The following SMARCAD1 variants were observed in gnomAD, a reference collection of about 807,000 sequenced individuals.
The protein encoded by SMARCAD1 is SNF2 related chromatin remodeling ATPase with DExD box 1, also known as SWI/SNF-related matrix-associated actin-dependent regulator of chromatin subfamily A containing DEAD/H box 1.
Under a neutral mutation model 127.1 loss-of-function variants are expected in SMARCAD1, and 25 were observed. The observed-to-expected ratio is 0.20, with a 90% CI of 0.14 to 0.27. SMARCAD1 has a LOEUF of 0.27. Ranked by LOEUF, SMARCAD1 falls within the 10% of genes least tolerant of loss-of-function variation. The pLI, the probability that SMARCAD1 is intolerant of heterozygous loss-of-function variation, is 1.00. For synonymous variants in SMARCAD1, 400 were observed against 396.9 expected, an observed-to-expected ratio of 1.01 and a Z score of -0.09; for missense variants, 807 against 1,206.0, an observed-to-expected ratio of 0.67 and a Z score of 4.90.
At chr4:94,214,507 C>A (rs1402247397) in intron 2 of SMARCAD1, among the ~76,000 whole-genome samples, 1 of 151,812 alleles carries the variant, frequency 6.6e-6, no homozygotes, top group East Asian at 1.9e-4. Context: ...GACTTGAGAT[C>A]TGCCCGCCTC....
At position 94,283,286 on chromosome 4, in the gene SMARCAD1, T is replaced by C. The variant is rs142195925; in HGVS notation, c.2892T>C (p.His964=). ...ACAAACAAGCAGAAGATAGATGCCATAGAGTAGGCCAGACTAAGTAAGTGT... is the reference window on the plus strand; with the variant it reads ...ACAAACAAGCAGAAGATAGATGCCACAGAGTAGGCCAGACTAAGTAAGTGT... ...YNDKQAEDRC[H]RVGQTKEVLV... is the part of the protein sequence containing the mutation. Residue 964 remains histidine, a synonymous_variant, in exon 22 of 24, where the codon CAT becomes CAC. Coordinates refer to ENST00000354268, the MANE Select transcript of SMARCAD1 (RefSeq NM_020159.5). 335 of 1,612,836 alleles carry C rather than the reference T, an allele frequency of 2.1e-4. No homozygotes were observed. The highest frequency in any genetic ancestry group is 2.7e-4 in the Non-Finnish European group (318 of 1,179,844).
At chr4:94,214,323 CGCAATCTCAACTCACT>C (rs1222841628) in intron 2 of SMARCAD1, among the ~76,000 whole-genome samples, 53 of 147,194 alleles carry the variant, frequency 3.6e-4, no homozygotes, top group African/African-American at 1.3e-3. Context: ...AGTGCAGTGG[CGCAATCTCAACTCACT>C]GCAATCTCTG....
chr4:94,214,638 G>T (rs996612478), intron 2 of SMARCAD1, among the ~76,000 whole-genome samples: 2 of 152,118 alleles, frequency 1.3e-5, no homozygotes, highest in Non-Finnish European at 2.9e-5. Context: ...CTGAAGAGAG[G>T]CATCAAGTGA....
chr4:94,217,109 A>T (rs1743315940), intron 2 of SMARCAD1, among the ~76,000 whole-genome samples: 1 of 152,040 alleles, frequency 6.6e-6, no homozygotes, highest in African/African-American at 2.4e-5. Flanking sequence ...TGTGTTTTTG[A>T]TAATAGCCAA....
intron 22 of SMARCAD1, among the ~76,000 whole-genome samples, chr4:94,283,570 A>C (rs1754408836): frequency 6.6e-6 from 1 of 152,218 alleles, no homozygotes; most frequent in Non-Finnish European, 1.5e-5. Context: ...TCACGCCTGT[A>C]ATCCCAGCAC....
In SMARCAD1 at chr4:94,233,966, T is replaced by G; in HGVS notation, c.381T>G (p.Ser127=). 6.2e-7 allele frequency: 1 copy of G among 1,613,744 alleles called. No homozygotes were observed. The highest frequency in any genetic ancestry group is 1.1e-5 in the South Asian group (1 of 91,078). ...AAAATATTTTTAGTTCTGAGCCATC[T>G]GAAGATGAAGAGTCCCAAGGCCTTC... ...KDTVIIVSEP[S]EDEESQGLPT... is the part of the protein sequence containing the mutation. The change falls in exon 4 of 24, where the codon TCT becomes TCG. Residue 127 remains serine (S), a synonymous_variant. Coordinates refer to ENST00000354268, the MANE Select transcript of SMARCAD1 (RefSeq NM_020159.5).
chr4:94,276,372 T>C lies in SMARCAD1; in HGVS notation c.1842T>C (p.Arg614=), dbSNP rs756033140. ...GTGCGATCAGCAGTTCTGATGACCG[T>C]AGTCTGTTTCGACGGCTGAAACTTA... The part of the protein sequence containing the change: ...YNCAISSSDD[R]SLFRRLKLNY... Residue 614 remains arginine (R), a synonymous_variant, in exon 15 of 24, where the codon CGT becomes CGC. Coordinates refer to ENST00000354268, the MANE Select transcript of SMARCAD1 (RefSeq NM_020159.5). The C allele has an allele frequency of 9.9e-6, 16 of 1,614,024 alleles. No individual in the cohort carries two copies. The highest frequency in any genetic ancestry group is 1.7e-5 in the Admixed American group (1 of 60,006).
At chr4:94,287,602 T>C (rs186784857) in intron 23 of SMARCAD1, among the ~76,000 whole-genome samples, 167 of 152,260 alleles carry the variant, frequency 1.1e-3, no homozygotes, top group Non-Finnish European at 2.2e-3. Context: ...CTATACCTAC[T>C]TAGTCAAAAA....
chr4:94,291,157 T>C lies in SMARCAD1; in HGVS notation c.*1623T>C. On this transcript the variant is annotated 3_prime_UTR_variant, in exon 24 of 24. Transcript: ENST00000354268. Reference sequence around the variant, plus strand: ...GTTTTCTGTATTAATGTATTTTCAATGATAGGCTGTTTCTTTTTTTGTTGT... The same window carrying C: ...GTTTTCTGTATTAATGTATTTTCAACGATAGGCTGTTTCTTTTTTTGTTGT... 1 of 453,632 alleles carries C rather than the reference T, an allele frequency of 2.2e-6. No homozygotes were observed. The highest frequency in any genetic ancestry group is 4.4e-6 in the Non-Finnish European group (1 of 226,644). The allele number at this position is 453,632 out of a possible 1,614,324, so 28.1% of individuals were successfully genotyped here. A position where few individuals can be genotyped will look rare whatever the true frequency, so the allele number is the denominator to read the frequency against.
At chr4:94,220,393 G>A (rs1248389204) in intron 2 of SMARCAD1, among the ~76,000 whole-genome samples, 12 of 151,986 alleles carry the variant, frequency 7.9e-5, no homozygotes, top group African/African-American at 2.7e-4. Flanking sequence ...GACTACAGGC[G>A]TGTGCCACCA....
chr4:94,222,495 G>A (rs1744304935), intron 2 of SMARCAD1, among the ~76,000 whole-genome samples: 1 of 150,108 alleles, frequency 6.7e-6, no homozygotes, highest in African/African-American at 2.5e-5. Flanking sequence ...AGCAGGCTGT[G>A]AGGATGCCAC....
In SMARCAD1 at chr4:94,274,947, A is replaced by G. The variant is rs1370724829; in HGVS notation, c.1790A>G (p.Tyr597Cys). ...RFNIHSRYED[Y>C]NVIVTTYNCA... is the part of the protein sequence containing the mutation. ...AACATTCATAGTAGATATGAAGATT[A>G]CAATGTAATTGTGACCACGTAAGTA... is the stretch of plus-strand genomic sequence containing the variant. The change falls in exon 14 of 24, where the codon TAC (tyrosine) becomes TGC (cysteine). Residue 597 changes from tyrosine to cysteine, a missense_variant. By Grantham distance (194) the Tyr-to-Cys change is radical (BLOSUM62 -2). Transcript: ENST00000354268. 1 of 1,601,038 alleles carries G rather than the reference A, an allele frequency of 6.2e-7. No individual in the cohort carries two copies. Among genetic ancestry groups the G allele is most frequent in the East Asian group, 2.2e-5 (1 of 44,742 alleles).
chr4:94,214,946 A>G (rs946928049), intron 2 of SMARCAD1, among the ~76,000 whole-genome samples: 3 of 152,156 alleles, frequency 2.0e-5, no homozygotes, highest in African/African-American at 7.2e-5. Flanking sequence ...TCCTGAGAGT[A>G]TTGCTCTGCC....
At chr4:94,236,849 C>T in intron 4 of SMARCAD1, 103 bp from the exon 5 acceptor site, 3 of 906,958 alleles carry the variant, frequency 3.3e-6, no homozygotes, top group East Asian at 2.6e-5. Flanking sequence ...CACATACTTT[C>T]CTGTCATGTT....
rs905782010 is a variant in SMARCAD1 at position 94,259,926 on chromosome 4, G to A, written c.1282-4781G>A. Among the ~76,000 whole-genome samples the A allele has an allele frequency of 4.6e-5, 7 of 152,030 alleles. No individual in the cohort carries two copies. In the South Asian group the frequency reaches 1.3e-3, roughly 27 times the overall value. ...CCAGTTGTCTCATAAATGCCATAGT[G>A]TTTGTTCATTTGTTTTATAGTTTGT... On this transcript the variant is annotated intron_variant, in intron 9 of 23. Coordinates refer to ENST00000354268, the MANE Select transcript of SMARCAD1 (RefSeq NM_020159.5).
At chr4:94,210,147 G>A (rs752483582) in intron 2 of SMARCAD1, among the ~76,000 whole-genome samples, 2 of 152,122 alleles carry the variant, frequency 1.3e-5, no homozygotes, top group African/African-American at 2.4e-5. Context: ...TCTTTCTAAT[G>A]ATAACACTCA....
At chr4:94,247,697 C>T (rs1267474986) in intron 6 of SMARCAD1, among the ~76,000 whole-genome samples, 1 of 152,186 alleles carries the variant, frequency 6.6e-6, no homozygotes, top group East Asian at 1.9e-4. Flanking sequence ...CCTCCTCCCC[C>T]TAACCCCTGG....
At chr4:94,286,496 A>C (rs923629513) in intron 23 of SMARCAD1, among the ~76,000 whole-genome samples, 7 of 152,100 alleles carry the variant, frequency 4.6e-5, no homozygotes, top group Admixed American at 1.3e-4. Context: ...TGCATTTCCC[A>C]CCTGCAGACA....
At chr4:94,279,729 A>G (rs576333136) in intron 19 of SMARCAD1, among the ~76,000 whole-genome samples, 1 of 152,276 alleles carries the variant, frequency 6.6e-6, no homozygotes, top group East Asian at 1.9e-4. Context: ...CTAGACTTCC[A>G]TAATGCACTT....
Sources: allele counts gnomAD v4.1 joint callset (sites outside exome capture counted in the v4.1 genomes callset), GRCh38; gene constraint gnomAD v4.1.1; transcripts MANE v1.5; gene names NCBI Gene and HGNC (gene_info 2026-07-23, HGNC 2026-07-21).